TENM2: variants seen among roughly 807,000 people sequenced by gnomAD.
TENM2 encodes the protein teneurin transmembrane protein 2, also known as teneurin-2.
A neutral mutation model predicts 245.2 loss-of-function variants in TENM2; 52 were observed. The ratio of observed to expected loss-of-function variants is 0.21; its 90% CI spans 0.17 to 0.27. The LOEUF is 0.27. Among genes scored for constraint, TENM2 ranks in the 10% least tolerant of loss-of-function variants. The pLI is 1.00. For missense variants in TENM2, 3,046 were observed against 3,666.8 expected, an observed-to-expected ratio of 0.83 and a Z score of 4.37; for synonymous variants, 1,363 against 1,438.9, an observed-to-expected ratio of 0.95 and a Z score of 1.19.
At chr5:167,116,671 G>A in the TENM2 span, 1 of 151,846 alleles carries the variant, frequency 6.6e-6, no homozygotes, top group East Asian at 1.9e-4. Flanking sequence ...AAAATAATGA[G>A]CAGTAGATAC....
intron 2 of TENM2, among the ~76,000 whole-genome samples, chr5:167,405,784 A>G (rs1561929176): frequency 6.6e-6 from 1 of 151,344 alleles, no homozygotes; most frequent in Non-Finnish European, 1.5e-5. Flanking sequence ...ACACACACAC[A>G]CACACACACA....
intron 2 of TENM2, among the ~76,000 whole-genome samples, chr5:167,859,488 C>T (rs1771484067): frequency 3.5e-5 from 4 of 114,448 alleles, no homozygotes; most frequent in South Asian, 3.3e-4. Flanking sequence ...TGGCCAGCCA[C>T]CCCGTCCGGG....
chr5:167,217,891 T>C, the TENM2 span, among the ~76,000 whole-genome samples: 1 of 3,858 alleles, frequency 2.6e-4, no homozygotes, highest in Non-Finnish European at 3.7e-4. Flanking sequence ...CCATTTCTAT[T>C]GGATGTCCCC....
chr5:167,454,859 G>A (rs1004902870), intron 2 of TENM2, among the ~76,000 whole-genome samples: 4 of 152,098 alleles, frequency 2.6e-5, no homozygotes, highest in African/African-American at 4.8e-5. Context: ...TGAGTTACAT[G>A]TCCATGATGA....
chr5:167,417,723 G>T (rs1406386460), intron 2 of TENM2, among the ~76,000 whole-genome samples: 1 of 152,070 alleles, frequency 6.6e-6, no homozygotes, highest in Non-Finnish European at 1.5e-5. Context: ...CCAAAGTGAA[G>T]GTGTAAGAGG....
At chr5:167,948,772 G>A (rs550278548) in intron 3 of TENM2, 88 of 152,314 alleles carry the variant, frequency 5.8e-4, no homozygotes, top group South Asian at 1.0e-3. Flanking sequence ...AGAGCTCTTA[G>A]TAATATGCAC....
chr5:168,082,260 G>A (rs1375608754), intron 7 of TENM2, among the ~76,000 whole-genome samples: 2 of 152,074 alleles, frequency 1.3e-5, no homozygotes, highest in Admixed American at 1.3e-4. Flanking sequence ...CGTAGTTCTC[G>A]TGCCATGGTT....
At chr5:168,138,667 A>G (rs1191920617) in intron 12 of TENM2, among the ~76,000 whole-genome samples, 1 of 152,232 alleles carries the variant, frequency 6.6e-6, no homozygotes, top group East Asian at 1.9e-4. Context: ...GAAATGGCCC[A>G]CTTAGGATCC....
chr5:167,254,193 G>A, the TENM2 span, among the ~76,000 whole-genome samples: 1 of 152,140 alleles, frequency 6.6e-6, no homozygotes. Context: ...CACAGTTATA[G>A]TGTGCAGAAC....
At chr5:167,676,434 C>T (rs1756334978) in intron 2 of TENM2, among the ~76,000 whole-genome samples, 2 of 152,040 alleles carry the variant, frequency 1.3e-5, no homozygotes, top group Admixed American at 1.3e-4. Context: ...ACTCAATGCA[C>T]CTGCTCTTTA....
At chr5:168,045,214 C>T (rs967380845) in intron 5 of TENM2, among the ~76,000 whole-genome samples, 2 of 152,112 alleles carry the variant, frequency 1.3e-5, no homozygotes, top group Non-Finnish European at 2.9e-5. Context: ...TGTACTCTGA[C>T]CCTAACCCTT....
intron 2 of TENM2, among the ~76,000 whole-genome samples, chr5:167,678,287 T>C (rs1756470207): frequency 6.6e-6 from 1 of 152,156 alleles, no homozygotes; most frequent in Admixed American, 6.6e-5. Flanking sequence ...AGTAAATGTC[T>C]GAAAAAGCAA....
At chr5:167,788,373 A>G (rs1412763246) in intron 2 of TENM2, among the ~76,000 whole-genome samples, 1 of 152,218 alleles carries the variant, frequency 6.6e-6, no homozygotes, top group African/African-American at 2.4e-5. Context: ...AAATTCCTTA[A>G]AACATGGGAT....
At chr5:167,853,398 A>G (rs1195624971) in intron 2 of TENM2, among the ~76,000 whole-genome samples, 1 of 151,734 alleles carries the variant, frequency 6.6e-6, no homozygotes, top group Non-Finnish European at 1.5e-5. Flanking sequence ...CTCCATGGGT[A>G]GAACTCTCGT....
At chr5:167,572,910 T>G (rs1414884405) in intron 2 of TENM2, among the ~76,000 whole-genome samples, 2 of 152,028 alleles carry the variant, frequency 1.3e-5, no homozygotes, top group Non-Finnish European at 2.9e-5. Context: ...ATAATTTAGG[T>G]TTTTCACTTT....
chr5:167,710,169 T>C (rs1758811948), intron 2 of TENM2, among the ~76,000 whole-genome samples: 1 of 152,182 alleles, frequency 6.6e-6, no homozygotes, highest in South Asian at 2.1e-4. Flanking sequence ...GTTGTTAACA[T>C]ATTCTGTTGG....
chr5:167,904,340 T>C lies in TENM2; in HGVS notation c.712+28145T>C, dbSNP rs554832992. Among the ~76,000 whole-genome samples, 12 of 152,300 alleles carry C rather than the reference T, an allele frequency of 7.9e-5. No individual in the cohort carries two copies. In the South Asian group the frequency reaches 2.5e-3, roughly 32 times the overall value. On this transcript the variant is annotated intron_variant, in intron 3 of 28. Transcript: ENST00000518659. The stretch of plus-strand genomic sequence containing the variant: ...CAATGGTGAGCAATCACCTAGACTC[T>C]ATGTCTTGGTTTCTTCATTGGTAAA...
chr5:168,241,051 A>G (rs1461528290), intron 25 of TENM2: 1 of 152,182 alleles, frequency 6.6e-6, no homozygotes, highest in Non-Finnish European at 1.5e-5. Context: ...CCAATCCCGT[A>G]TAATTCAGAC....
At chr5:167,515,669 G>GTATATATATACATATATATACGTATATA in intron 2 of TENM2, among the ~76,000 whole-genome samples, 4 of 78,826 alleles carry the variant, frequency 5.1e-5, no homozygotes, top group African/African-American at 1.1e-4. Flanking sequence ...ACGTATATAT[G>GTATATATATACATATATATACGTATATA]TGTATATATA....
Sources: gnomAD v4.1 joint callset for allele counts (sites outside exome capture counted in the v4.1 genomes callset) on GRCh38, gnomAD v4.1.1 for gene constraint, MANE v1.5 for transcripts, NCBI Gene and HGNC (gene_info 2026-07-23, HGNC 2026-07-21) for gene names.